The following SLC20A2 variants were observed in gnomAD, a reference collection of about 807,000 sequenced individuals.
SLC20A2 encodes the protein solute carrier family 20 member 2.
SLC20A2 carries 30 observed loss-of-function variants against 61.0 expected under a neutral mutation model. That is an observed-to-expected ratio of 0.49 (90% CI 0.37 to 0.67). The LOEUF (loss-of-function observed/expected upper bound fraction) is 0.67, where lower values mean the gene tolerates loss of function less well. Among genes scored for constraint, SLC20A2 ranks in the 30% least tolerant of loss-of-function variants. SLC20A2 has a pLI of 0.00. For missense variants in SLC20A2, 626 were observed against 866.4 expected (o/e 0.72, Z 3.48); for synonymous variants, 351 against 353.3 (o/e 0.99, Z 0.07).
At chr8:42,451,334 GA>G (rs1358902549) in intron 5 of SLC20A2, among the ~76,000 whole-genome samples, 1 of 148,878 alleles carries the variant, frequency 6.7e-6, no homozygotes, top group African/African-American at 2.6e-5. Flanking sequence ...AAGAGATGGA[GA>G]AGGAGGAAGA....
chr8:42,529,121 C>T (rs1812171596), intron 1 of SLC20A2, among the ~76,000 whole-genome samples: 1 of 151,996 alleles, frequency 6.6e-6, no homozygotes, highest in Non-Finnish European at 1.5e-5. Flanking sequence ...ACTACAGGCA[C>T]ATGCCACCAC....
intron 1 of SLC20A2, among the ~76,000 whole-genome samples, chr8:42,486,545 T>G (rs960637440): frequency 6.6e-6 from 1 of 152,226 alleles, no homozygotes; most frequent in Non-Finnish European, 1.5e-5. Flanking sequence ...CTCTGTTATT[T>G]ATGTGGCAGT....
At chr8:42,452,187 A>AGGAGGAGGAAGAGAT in intron 5 of SLC20A2, among the ~76,000 whole-genome samples, 1 of 128,170 alleles carries the variant, frequency 7.8e-6, no homozygotes, top group Non-Finnish European at 1.6e-5. Context: ...AAGAGATAGG[A>AGGAGGAGGAAGAGAT]GGAGGAGGAA....
intron 10 of SLC20A2, among the ~76,000 whole-genome samples, chr8:42,427,056 C>A (rs922875249): frequency 6.6e-6 from 1 of 152,230 alleles, no homozygotes; most frequent in Non-Finnish European, 1.5e-5. Context: ...TTAGGAAACT[C>A]ACAATGAATG....
chr8:42,528,413 G>C (rs564555329), intron 1 of SLC20A2, among the ~76,000 whole-genome samples: 3 of 151,136 alleles, frequency 2.0e-5, no homozygotes, highest in East Asian at 2.0e-4. Context: ...ATTGAGCAGA[G>C]ATAATGCCAC....
chr8:42,455,661 A>C (rs1473727392), intron 5 of SLC20A2, among the ~76,000 whole-genome samples: 44 of 152,118 alleles, frequency 2.9e-4, no homozygotes, highest in Admixed American at 2.9e-3. Context: ...AAAAAAAAAA[A>C]ATTTGTTAAG....
chr8:42,451,073 C>T (rs1199592708), intron 5 of SLC20A2, among the ~76,000 whole-genome samples: 1 of 152,132 alleles, frequency 6.6e-6, no homozygotes, highest in Non-Finnish European at 1.5e-5. Context: ...AGCCAACTGG[C>T]AGCCTGAGAG....
At chr8:42,459,753 C>T (rs1806552842) in intron 5 of SLC20A2, 143 bp downstream of exon 5, 3 of 562,058 alleles carry the variant, frequency 5.3e-6, no homozygotes, top group South Asian at 4.8e-5. Flanking sequence ...ATTTTACTAT[C>T]AGCCAACAAC....
At chr8:42,508,759 A>T (rs1810868897) in intron 1 of SLC20A2, among the ~76,000 whole-genome samples, 1 of 152,158 alleles carries the variant, frequency 6.6e-6, no homozygotes, top group Admixed American at 6.5e-5. Flanking sequence ...AGAACACTAT[A>T]CAGAAGCAAC....
chr8:42,419,575 A>G, intron 10 of SLC20A2: 1 of 238,242 alleles, frequency 4.2e-6, no homozygotes, highest in Non-Finnish European at 6.8e-6. Flanking sequence ...AAAAATAAAT[A>G]AAATAAAATG....
intron 5 of SLC20A2, among the ~76,000 whole-genome samples, chr8:42,445,101 G>T (rs563855684): frequency 1.7e-3 from 265 of 151,988 alleles, no homozygotes; most frequent in African/African-American, 6.1e-3. Flanking sequence ...AGATCAGCCT[G>T]GCCAATATAG....
chr8:42,456,080 A>G (rs1806172691), intron 5 of SLC20A2, among the ~76,000 whole-genome samples: 1 of 152,142 alleles, frequency 6.6e-6, no homozygotes, highest in Non-Finnish European at 1.5e-5. Context: ...TTACTCTCCC[A>G]GTAAGATGAT....
chr8:42,451,962 A>G (rs1586074395), intron 5 of SLC20A2, among the ~76,000 whole-genome samples: 1 of 107,438 alleles, frequency 9.3e-6, no homozygotes. Context: ...GAAGAGGAGG[A>G]GGAGGAAGAG....
chr8:42,430,378 T>C, intron 8 of SLC20A2, 129 bp from the exon 9 acceptor site: 1 of 845,886 alleles, frequency 1.2e-6, no homozygotes, highest in Non-Finnish European at 1.8e-6. Flanking sequence ...TTTCTTTTTT[T>C]TTGAGACAGA....
In SLC20A2 at chr8:42,480,103, G is replaced by GATGA. The variant is rs376569673; in HGVS notation, c.-264-7453_-264-7450dup. On this transcript the variant is annotated intron_variant, in intron 1 of 10. Coordinates refer to ENST00000520262, the MANE Select transcript of SLC20A2 (RefSeq NM_001257180.2). ...GTGGCTAAGGCAACTTCTTCTAAAA[G>GATGA]ATGAAATATTAGGTAGCCACTACAA... Among the ~76,000 whole-genome samples, 248 of 152,320 alleles carry GATGA rather than the reference G, an allele frequency of 1.6e-3. 1 individual carries two copies. Among genetic ancestry groups the GATGA allele is most frequent in the African/African-American group, 5.9e-3 (244 of 41,576 alleles).
At chr8:42,525,930 T>C (rs1180861823) in intron 1 of SLC20A2, among the ~76,000 whole-genome samples, 1 of 152,122 alleles carries the variant, frequency 6.6e-6, no homozygotes, top group African/African-American at 2.4e-5. Context: ...TATTCATGAG[T>C]ATATACAGAT....
upstream of SLC20A2, among the ~76,000 whole-genome samples, chr8:42,503,755 T>C (rs1282711129): frequency 1.3e-5 from 2 of 152,218 alleles, no homozygotes; most frequent in African/African-American, 2.4e-5. Flanking sequence ...GTGACTATCA[T>C]AGTGGAAAGC....
chr8:42,471,343 C>T (rs983292327), intron 2 of SLC20A2: 3 of 407,926 alleles, frequency 7.4e-6, no homozygotes, highest in South Asian at 1.8e-5. Context: ...GGGGACATCA[C>T]TCTGTCCAAC....
intron 1 of SLC20A2, among the ~76,000 whole-genome samples, chr8:42,490,841 G>A (rs148300530): frequency 0.018 from 2,675 of 152,280 alleles, 85 homozygotes; most frequent in African/African-American, 0.06. Context: ...CCCTCTTCCT[G>A]TGACAGCTGC....
Sources: gnomAD v4.1 joint callset for allele counts (sites outside exome capture counted in the v4.1 genomes callset) on GRCh38, gnomAD v4.1.1 for gene constraint, MANE v1.5 for transcripts, NCBI Gene and HGNC (gene_info 2026-07-23, HGNC 2026-07-21) for gene names.